PIK3CA: variants seen among roughly 807,000 people sequenced by gnomAD.
PIK3CA encodes the protein phosphatidylinositol 4,5-bisphosphate 3-kinase catalytic subunit alpha isoform.
In PIK3CA, 27 loss-of-function variants were observed where a neutral mutation model predicts 138.2. That is an observed-to-expected ratio of 0.20 (90% CI 0.14 to 0.27). PIK3CA has a LOEUF of 0.27. Among genes scored for constraint, PIK3CA ranks in the 10% least tolerant of loss-of-function variants. PIK3CA has a pLI of 1.00. For synonymous variants in PIK3CA, 358 were observed against 413.2 expected (o/e 0.87, Z 1.62); for missense variants, 544 against 1,277.4 (o/e 0.43, Z 8.75).
rs200756022 is a variant in PIK3CA, at chr3:179,198,803, A to G, written c.-23A>G. On this transcript the variant is annotated 5_prime_UTR_variant, in exon 2 of 21. An upstream open reading frame in the 5' UTR loses its in-frame stop. Transcript: ENST00000263967. ...AATTCCTTAAAGTAGTTTTATATGT[A>G]AAACTTGCAAAGAATCAGAACAATG... 11 of 1,386,256 alleles carry G rather than the reference A, an allele frequency of 7.9e-6. No homozygotes were observed. The highest frequency in any genetic ancestry group is 1.1e-5 in the Non-Finnish European group (11 of 1,026,170). 85.9% of individuals were successfully genotyped at this position (1,386,256 alleles called of 1,614,324 possible). A position where few individuals can be genotyped will look rare whatever the true frequency, so the allele number is the denominator to read the frequency against.
intron 1 of PIK3CA, among the ~76,000 whole-genome samples, chr3:179,153,273 TA>T (rs1723057279): frequency 6.6e-6 from 1 of 152,210 alleles, no homozygotes; most frequent in Admixed American, 6.5e-5. Context: ...TTTTAAAATT[TA>T]ATATTGTGTT....
In PIK3CA at chr3:179,199,168, C is replaced by G. The variant is rs768659103; in HGVS notation, c.343C>G (p.Arg115Gly). The change falls in exon 2 of 21, where the codon CGA (arginine) becomes GGA (glycine). Residue 115 changes from arginine to glycine, a missense_variant. Arg to Gly is a moderately radical substitution (Grantham distance 125, BLOSUM62 -2). Transcript: ENST00000263967. ...VGNREEKILN[R>G]EIGFAIGMPV... ...CAACCGTGAAGAAAAGATCCTCAAT[C>G]GAGAAATTGGTATGATACAATATCC... The G allele has an allele frequency of 1.3e-6, 2 of 1,566,366 alleles. No individual in the cohort carries two copies. The highest frequency in any genetic ancestry group is 1.7e-6 in the Non-Finnish European group (2 of 1,159,748).
intron 1 of PIK3CA, among the ~76,000 whole-genome samples, chr3:179,182,476 T>G (rs1723871510): frequency 6.6e-6 from 1 of 152,028 alleles, no homozygotes. Flanking sequence ...AAGATCAGCC[T>G]GGGCAACATG....
chr3:179,183,414 C>T (rs1723898955), intron 1 of PIK3CA, among the ~76,000 whole-genome samples: 1 of 152,024 alleles, frequency 6.6e-6, no homozygotes, highest in African/African-American at 2.4e-5. Context: ...ATCTTACGTT[C>T]ATTAGAGTAT....
chr3:179,187,557 AG>A (rs1467631401), intron 1 of PIK3CA, among the ~76,000 whole-genome samples: 8 of 147,452 alleles, frequency 5.4e-5, no homozygotes, highest in Non-Finnish European at 9.0e-5. Flanking sequence ...AAAAAAAAAA[AG>A]AGAGAAACGG....
chr3:179,221,457 T>C (rs573542518), intron 14 of PIK3CA, among the ~76,000 whole-genome samples: 4 of 152,298 alleles, frequency 2.6e-5, no homozygotes, highest in South Asian at 2.1e-4. Flanking sequence ...GGCCAATAAA[T>C]GTTAGATCCC....
rs140534735 is a variant in PIK3CA at position 179,239,420 on chromosome 3, CATT to C, written c.*5059_*5061del. 2.2e-3 allele frequency: 429 copies of C among 195,590 alleles called. 1 individual carries two copies. Among genetic ancestry groups the C allele is most frequent in the African/African-American group, 9.5e-3 (413 of 43,300 alleles). 12.1% of individuals were successfully genotyped at this position (195,590 alleles called of 1,614,324 possible). A position where few individuals can be genotyped will look rare whatever the true frequency, so the allele number is the denominator to read the frequency against. The stretch of plus-strand genomic sequence containing the variant: ...TAATTCTAGTATGAATTTCCAAAAT[CATT>C]ATCTATTTATTTCATTTTTATTTAA... On this transcript the variant is annotated 3_prime_UTR_variant, in exon 21 of 21. Transcript: ENST00000263967.
intron 1 of PIK3CA, among the ~76,000 whole-genome samples, chr3:179,171,235 T>C (rs149148939): frequency 1.7e-3 from 256 of 152,268 alleles, no homozygotes; most frequent in African/African-American, 6.0e-3. Context: ...TAGAAAATAT[T>C]TTTAACTGAG....
At chr3:179,181,257 C>G (rs779748757) in intron 1 of PIK3CA, among the ~76,000 whole-genome samples, 1 of 152,062 alleles carries the variant, frequency 6.6e-6, no homozygotes, top group Non-Finnish European at 1.5e-5. Flanking sequence ...GACTAAATTA[C>G]TGGTATCAGC....
At chr3:179,195,885 G>T (rs1192341161) in intron 1 of PIK3CA, among the ~76,000 whole-genome samples, 1 of 152,146 alleles carries the variant, frequency 6.6e-6, no homozygotes, top group African/African-American at 2.4e-5. Context: ...GGGGGTAATG[G>T]TTTGTACAGA....
intron 6 of PIK3CA, among the ~76,000 whole-genome samples, 161 bp downstream of exon 6, chr3:179,204,749 C>T (rs1056840322): frequency 1.3e-5 from 2 of 151,778 alleles, no homozygotes; most frequent in East Asian, 1.9e-4. Flanking sequence ...TGGCCAGGCA[C>T]GGTGGCTCAT....
chr3:179,180,003 T>A (rs896949819), intron 1 of PIK3CA, among the ~76,000 whole-genome samples: 13 of 152,160 alleles, frequency 8.5e-5, no homozygotes, highest in African/African-American at 3.1e-4. Flanking sequence ...AAAAGATTGA[T>A]CTAGTAAGAT....
At chr3:179,161,391 G>A (rs951851139) in intron 1 of PIK3CA, among the ~76,000 whole-genome samples, 1 of 152,148 alleles carries the variant, frequency 6.6e-6, no homozygotes, top group Non-Finnish European at 1.5e-5. Context: ...ACAGATAGGA[G>A]AAAGAAACAT....
intron 17 of PIK3CA, among the ~76,000 whole-genome samples, chr3:179,227,643 TTAAG>T (rs944984899): frequency 1.2e-4 from 18 of 152,104 alleles, no homozygotes; most frequent in Admixed American, 3.3e-4. Flanking sequence ...CTACAAGGAA[TTAAG>T]TAAGAAAATG....
At chr3:179,229,750 G>GAA (rs549369729) in intron 18 of PIK3CA, among the ~76,000 whole-genome samples, 1 of 151,966 alleles carries the variant, frequency 6.6e-6, no homozygotes, top group South Asian at 2.1e-4. Context: ...AAAATGATTA[G>GAA]AAAAAAATAA....
At position 179,199,901 on chromosome 3, in the gene PIK3CA, T is replaced by C. The variant is rs2108387992; in HGVS notation, c.562+2T>C. Reference sequence around the variant, plus strand: ...ACATATATAATAAATTAGATAAAGGTAAGAAAATGACTAATCTACTCTAAT... The same window carrying C: ...ACATATATAATAAATTAGATAAAGGCAAGAAAATGACTAATCTACTCTAAT... On this transcript the variant is annotated splice_donor_variant, in intron 3 of 20. Transcript: ENST00000263967. LOFTEE classifies it high-confidence loss of function. 6.5e-7 allele frequency: 1 copy of C among 1,541,260 alleles called. No homozygotes were observed. The highest frequency in any genetic ancestry group is 9.0e-7 in the Non-Finnish European group (1 of 1,114,620).
At chr3:179,206,640 C>A (rs1414222725) in intron 6 of PIK3CA, among the ~76,000 whole-genome samples, 2 of 152,104 alleles carry the variant, frequency 1.3e-5, no homozygotes, top group Non-Finnish European at 2.9e-5. Context: ...AAAGGCTGGG[C>A]GTGGTGGCTC....
intron 4 of PIK3CA, among the ~76,000 whole-genome samples, chr3:179,202,233 TTTTGTTTG>T (rs557782629): frequency 1.3e-5 from 2 of 152,002 alleles, no homozygotes; most frequent in African/African-American, 4.8e-5. Flanking sequence ...CCCAGCTAAT[TTTTGTTTG>T]TTTGTTTGTT....
chr3:179,232,114 A>G (rs1477764476), intron 20 of PIK3CA, among the ~76,000 whole-genome samples: 1 of 152,018 alleles, frequency 6.6e-6, no homozygotes, highest in African/African-American at 2.4e-5. Flanking sequence ...TTTTTAGTTT[A>G]ATTAGGTCCC....
Sources: allele counts gnomAD v4.1 joint callset (sites outside exome capture counted in the v4.1 genomes callset), GRCh38; gene constraint gnomAD v4.1.1; transcripts MANE v1.5; gene names NCBI Gene and HGNC (gene_info 2026-07-23, HGNC 2026-07-21).